The following TRIM61 variants were observed in gnomAD, a reference collection of about 807,000 sequenced individuals.
The protein encoded by TRIM61 is putative tripartite motif-containing protein 61.
TRIM61 carries 1 observed loss-of-function variant against 14.2 expected under a neutral mutation model. The ratio of observed to expected loss-of-function variants is 0.07; its 90% CI spans 0.03 to 0.33. The LOEUF is 0.33. Ranked by LOEUF, TRIM61 falls within the 10% of genes least tolerant of loss-of-function variation. The pLI is 0.99. For missense variants in TRIM61, 19 were observed against 202.2 expected, an observed-to-expected ratio of 0.09 and a Z score of 5.49; for synonymous variants, 8 against 71.6, an observed-to-expected ratio of 0.11 and a Z score of 4.49.
chr4:164,967,296 G>A (rs1387717377), intron 3 of TRIM61, among the ~76,000 whole-genome samples: 8 of 152,098 alleles, frequency 5.3e-5, no homozygotes, highest in Admixed American at 6.5e-5. Flanking sequence ...AATTTTCTCC[G>A]TATTAATCTA....
intron 3 of TRIM61, chr4:164,958,588 T>C (rs1732066341): frequency 6.0e-6 from 1 of 167,046 alleles, no homozygotes; most frequent in African/African-American, 2.4e-5. Context: ...TTTTAGCAAC[T>C]ATCAATAAAA....
chr4:164,962,154 AAGG>A (rs1196272514), intron 3 of TRIM61, among the ~76,000 whole-genome samples: 1 of 152,072 alleles, frequency 6.6e-6, no homozygotes, highest in Non-Finnish European at 1.5e-5. Context: ...GAGGATAAGG[AAGG>A]AGGATAAGAA....
At chr4:164,971,320 G>A (rs1273263044) in intron 2 of TRIM61, among the ~76,000 whole-genome samples, 5 of 152,040 alleles carry the variant, frequency 3.3e-5, no homozygotes, top group African/African-American at 4.8e-5. Flanking sequence ...AGCCGAGTGC[G>A]GTGGCTCACG....
intron 3 of TRIM61, chr4:164,968,815 A>C: frequency 4.1e-6 from 4 of 978,726 alleles, no homozygotes; most frequent in Non-Finnish European, 4.9e-6. Flanking sequence ...ATACAATATA[A>C]TTATTCTGAC....
rs201635858 is a variant in TRIM61, at chr4:164,959,571, C to G, written c.526-4475G>C. On this transcript the variant is annotated intron_variant, in intron 3 of 4. Transcript: ENST00000329314. Reference sequence around the variant, plus strand: ...GTGAAGAACATTTGTGAAGGCCACACATGCCTGAGACCAAAGTTCAGAGTG... The same window carrying G: ...GTGAAGAACATTTGTGAAGGCCACAGATGCCTGAGACCAAAGTTCAGAGTG... Among the ~76,000 whole-genome samples the G allele has an allele frequency of 7.2e-4, 110 of 152,280 alleles. 3 individuals carry two copies. In the East Asian group the frequency reaches 0.02, roughly 27 times the overall value.
At position 164,954,777 on chromosome 4, in the gene TRIM61, A is replaced by C. The variant is rs1009474620; in HGVS notation, c.*17-9T>G. 1 of 153,832 alleles carries C rather than the reference A, an allele frequency of 6.5e-6. No individual in the cohort carries two copies. The allele number at this position is 153,832 out of a possible 1,614,324, so 9.5% of individuals were successfully genotyped here. A position where few individuals can be genotyped will look rare whatever the true frequency, so the allele number is the denominator to read the frequency against. ...AGCCTGGGCAACCATCTCTACAAAAAATAAAATATAAATATGCTGTTTTAT... is the reference window on the plus strand; with the variant it reads ...AGCCTGGGCAACCATCTCTACAAAACATAAAATATAAATATGCTGTTTTAT... On this transcript the variant is annotated splice_polypyrimidine_tract_variant and intron_variant, in intron 4 of 4. Coordinates refer to ENST00000329314, the MANE Select transcript of TRIM61 (RefSeq NM_001012414.3).
At chr4:164,957,077 G>T in intron 3 of TRIM61, 4 of 1,542,244 alleles carry the variant, frequency 2.6e-6, no homozygotes, top group Non-Finnish European at 3.5e-6. Context: ...CGGACCCAGC[G>T]CCTGGAGAGC....
chr4:164,968,991 C>G, intron 3 of TRIM61: 2 of 1,034,440 alleles, frequency 1.9e-6, no homozygotes, highest in Non-Finnish European at 2.3e-6. Flanking sequence ...CCCAGAACAG[C>G]TGGGAGGAGA....
chr4:164,961,153 CAAAAAAAAAAAAAA>C (rs762554625), intron 3 of TRIM61, among the ~76,000 whole-genome samples: 5 of 31,712 alleles, frequency 1.6e-4, no homozygotes, highest in African/African-American at 4.2e-4. Context: ...AACTCTCAGG[CAAAAAAAAAAAAAA>C]AAAAAAAAAA....
intron 2 of TRIM61, among the ~76,000 whole-genome samples, chr4:164,976,164 A>G (rs1732477324): frequency 6.6e-6 from 1 of 152,128 alleles, no homozygotes; most frequent in Non-Finnish European, 1.5e-5. Context: ...CTGCTCTCCT[A>G]CTACATTCCT....
chr4:164,955,361 T>C (rs1313609583), intron 3 of TRIM61, among the ~76,000 whole-genome samples: 6 of 151,942 alleles, frequency 3.9e-5, no homozygotes, highest in Admixed American at 3.9e-4. Flanking sequence ...ACACAAACCA[T>C]TCTTGGAATA....
chr4:164,958,433 G>C (rs910178973), intron 3 of TRIM61: 5 of 167,002 alleles, frequency 3.0e-5, no homozygotes, highest in Non-Finnish European at 7.3e-5. Flanking sequence ...CACTGGGTAT[G>C]ATTTCTAACC....
rs868129064 is a variant in TRIM61, at chr4:164,959,767, A to G, written c.526-4671T>C. 2.6e-5 allele frequency among the ~76,000 whole-genome samples: 4 copies of G among 152,328 alleles called. No homozygotes were observed. In the Middle Eastern group the frequency reaches 0.014, roughly 518 times the overall value. ...TCTTTAATGTATTAATGGTAACGATAGCAATAACAAACTTCAAACTCTGCC... is the reference window on the plus strand; with the variant it reads ...TCTTTAATGTATTAATGGTAACGATGGCAATAACAAACTTCAAACTCTGCC... On this transcript the variant is annotated intron_variant, in intron 3 of 4. Coordinates refer to ENST00000329314, the MANE Select transcript of TRIM61 (RefSeq NM_001012414.3).
chr4:164,957,050 A>G, intron 3 of TRIM61: 1 of 1,508,986 alleles, frequency 6.6e-7, no homozygotes, highest in Non-Finnish European at 8.9e-7. Context: ...GCGGCGGGGC[A>G]GCTGTCCTCT....
intron 3 of TRIM61, among the ~76,000 whole-genome samples, chr4:164,959,889 GA>G (rs1383303469): frequency 6.6e-6 from 1 of 152,048 alleles, no homozygotes; most frequent in Non-Finnish European, 1.5e-5. Context: ...GTGTTCTCCC[GA>G]AAAAGTATGT....
At chr4:164,971,473 C>A (rs1732363270) in intron 2 of TRIM61, among the ~76,000 whole-genome samples, 1 of 151,844 alleles carries the variant, frequency 6.6e-6, no homozygotes, top group Non-Finnish European at 1.5e-5. Context: ...TGCCTATAAT[C>A]CCAGCTACTC....
intron 3 of TRIM61, chr4:164,969,059 T>A: frequency 9.4e-7 from 1 of 1,066,032 alleles, no homozygotes; most frequent in Non-Finnish European, 1.1e-6. Flanking sequence ...GCGCACAGTT[T>A]TTCTATCTTC....
intron 3 of TRIM61, among the ~76,000 whole-genome samples, chr4:164,967,554 T>C (rs1201098655): frequency 6.6e-6 from 1 of 152,198 alleles, no homozygotes; most frequent in Non-Finnish European, 1.5e-5. Context: ...ACAGGTTATC[T>C]ACCGGTTGTG....
At chr4:164,959,935 T>C (rs1732096956) in intron 3 of TRIM61, among the ~76,000 whole-genome samples, 1 of 152,194 alleles carries the variant, frequency 6.6e-6, no homozygotes, top group South Asian at 2.1e-4. Context: ...GATGTGACCT[T>C]ATTTGGAAAT....
Sources: gnomAD v4.1 joint callset for allele counts (sites outside exome capture counted in the v4.1 genomes callset) on GRCh38, gnomAD v4.1.1 for gene constraint, MANE v1.5 for transcripts, NCBI Gene and HGNC (gene_info 2026-07-23, HGNC 2026-07-21) for gene names.